RBFOX1: variants seen among roughly 807,000 people sequenced by gnomAD.
RBFOX1 encodes RNA binding protein fox-1 homolog 1.
In RBFOX1, 8 loss-of-function variants were observed where a neutral mutation model predicts 57.7. That is an observed-to-expected ratio of 0.14 (90% CI 0.08 to 0.25). The LOEUF is 0.25. RBFOX1 is among the 10% of genes least tolerant of loss of function. RBFOX1 has a pLI of 1.00. For synonymous variants in RBFOX1, 326 were observed against 222.4 expected, an observed-to-expected ratio of 1.47 and a Z score of -4.15; for missense variants, 611 against 548.5, an observed-to-expected ratio of 1.11 and a Z score of -1.14.
At chr16:6,372,812 T>G (rs1261882817) in intron 2 of RBFOX1, among the ~76,000 whole-genome samples, 2 of 150,594 alleles carry the variant, frequency 1.3e-5, no homozygotes, top group Admixed American at 1.3e-4. Flanking sequence ...TGGGTGGAAG[T>G]ATAACTGGAT....
chr16:6,484,258 T>G (rs1381984836), intron 2 of RBFOX1, among the ~76,000 whole-genome samples: 1 of 152,194 alleles, frequency 6.6e-6, no homozygotes, highest in Non-Finnish European at 1.5e-5. Context: ...GTTGTGCATT[T>G]GCGAAGTTGG....
At chr16:7,216,235 A>G (rs561655226) in intron 4 of RBFOX1, among the ~76,000 whole-genome samples, 6 of 152,278 alleles carry the variant, frequency 3.9e-5, no homozygotes, top group Admixed American at 2.6e-4. Context: ...TCATGCCACT[A>G]TCTGCATATT....
At chr16:6,092,999 A>G (rs542622928) in intron 1 of RBFOX1, 10 of 152,214 alleles carry the variant, frequency 6.6e-5, no homozygotes, top group African/African-American at 9.6e-5. Flanking sequence ...TAATCTATAC[A>G]CCAAAACCAT....
chr16:6,498,251 CAAAACAAAA>C (rs1201450627), intron 2 of RBFOX1, among the ~76,000 whole-genome samples: 1 of 84,434 alleles, frequency 1.2e-5, no homozygotes, highest in Non-Finnish European at 2.3e-5. Context: ...AACTCCGTCT[CAAAACAAAA>C]AAAAAAAAAA....
chr16:6,696,726 T>C (rs1367440074), intron 3 of RBFOX1, among the ~76,000 whole-genome samples: 1 of 152,208 alleles, frequency 6.6e-6, no homozygotes, highest in Admixed American at 6.5e-5. Context: ...CTTGGCTTGT[T>C]TAACTTACAA....
chr16:5,493,417 T>C (rs1469288715), intron 2 of RBFOX1, among the ~76,000 whole-genome samples: 1 of 152,086 alleles, frequency 6.6e-6, no homozygotes, highest in Non-Finnish European at 1.5e-5. Context: ...TGTTTCCTCC[T>C]GTGAAAAAGG....
intron 3 of RBFOX1, among the ~76,000 whole-genome samples, chr16:6,869,823 A>G (rs894305456): frequency 1.3e-5 from 2 of 152,162 alleles, no homozygotes; most frequent in Non-Finnish European, 2.9e-5. Context: ...TTGAAGACAC[A>G]TGAGCTGACT....
rs573700537 is a variant in RBFOX1, at chr16:5,442,808, T to A, written c.220-24408T>A. On this transcript the variant is annotated intron_variant, in intron 1 of 2. Coordinates refer to the RBFOX1 transcript ENST00000585867. ...TGTGGACTGAATACTGTCTCTTCCC[T>A]GCCAAATTCATGTCCCCCATGCAAC... 5.3e-5 allele frequency among the ~76,000 whole-genome samples: 8 copies of A among 152,302 alleles called. No individual in the cohort carries two copies. In the East Asian group the frequency reaches 1.5e-3, roughly 29 times the overall value.
At chr16:6,086,192 A>G (rs946561019) in intron 1 of RBFOX1, among the ~76,000 whole-genome samples, 2 of 152,184 alleles carry the variant, frequency 1.3e-5, no homozygotes, top group Non-Finnish European at 2.9e-5. Flanking sequence ...CATGGTGTAT[A>G]GGTACCACTT....
intron 4 of RBFOX1, among the ~76,000 whole-genome samples, chr16:7,274,674 G>T (rs2095406569): frequency 2.7e-5 from 4 of 145,840 alleles, no homozygotes; most frequent in Admixed American, 2.1e-4. Context: ...AGAGCATTAG[G>T]TTTTTTTTAC....
chr16:6,178,680 G>C (rs2097035013), intron 1 of RBFOX1, among the ~76,000 whole-genome samples: 1 of 152,160 alleles, frequency 6.6e-6, no homozygotes, highest in African/African-American at 2.4e-5. Context: ...GATGATCCTA[G>C]AGGGTATCTA....
At chr16:7,240,326 A>G (rs193177494) in intron 4 of RBFOX1, among the ~76,000 whole-genome samples, 355 of 152,286 alleles carry the variant, frequency 2.3e-3, no homozygotes, top group African/African-American at 8.3e-3. Flanking sequence ...TTCATCAGGT[A>G]GTGTTCTAAG....
At chr16:7,024,090 C>A (rs9928683) in intron 3 of RBFOX1, among the ~76,000 whole-genome samples, 1 of 152,028 alleles carries the variant, frequency 6.6e-6, no homozygotes, top group Non-Finnish European at 1.5e-5. Flanking sequence ...TGTGGCTTGG[C>A]TTACTAAGAA....
chr16:5,261,195 C>G (rs1032494122), intron 1 of RBFOX1, among the ~76,000 whole-genome samples: 1 of 152,174 alleles, frequency 6.6e-6, no homozygotes, highest in Non-Finnish European at 1.5e-5. Context: ...CCTCTGGAAA[C>G]TAGTTATTTC....
chr16:7,696,691 A>G (rs2078912970), intron 14 of RBFOX1, among the ~76,000 whole-genome samples: 1 of 152,192 alleles, frequency 6.6e-6, no homozygotes, highest in Non-Finnish European at 1.5e-5. Flanking sequence ...ACGTATATGA[A>G]TAAGCAGATA....
chr16:6,275,074 C>G (rs1042748851), intron 1 of RBFOX1, among the ~76,000 whole-genome samples: 2 of 152,136 alleles, frequency 1.3e-5, no homozygotes, highest in African/African-American at 4.8e-5. Flanking sequence ...TCACACCTAT[C>G]CCACTGCAAG....
chr16:5,659,831 C>T (rs1012780352), intron 3 of RBFOX1, among the ~76,000 whole-genome samples: 1 of 152,190 alleles, frequency 6.6e-6, no homozygotes, highest in African/African-American at 2.4e-5. Flanking sequence ...GGTATTTTCA[C>T]ATCACATTGC....
chr16:6,596,303 G>A (rs1007717375), intron 2 of RBFOX1, among the ~76,000 whole-genome samples: 1 of 152,100 alleles, frequency 6.6e-6, no homozygotes, highest in African/African-American at 2.4e-5. Flanking sequence ...GGTGAGATAA[G>A]GATTTGCATT....
chr16:7,436,026 G>A (rs1055584603), intron 4 of RBFOX1, among the ~76,000 whole-genome samples: 2 of 152,104 alleles, frequency 1.3e-5, no homozygotes, highest in African/African-American at 4.8e-5. Flanking sequence ...TTTAGGGAGG[G>A]TGGGGCATGA....
Sources: allele counts gnomAD v4.1 joint callset (sites outside exome capture counted in the v4.1 genomes callset), GRCh38; gene constraint gnomAD v4.1.1; transcripts MANE v1.5; gene names NCBI Gene and HGNC (gene_info 2026-07-23, HGNC 2026-07-21).